CTNNA2: variants seen among roughly 807,000 people sequenced by gnomAD.
CTNNA2 encodes catenin alpha-2.
CTNNA2 carries 42 observed loss-of-function variants against 101.0 expected under a neutral mutation model. The ratio of observed to expected loss-of-function variants is 0.42; its 90% CI spans 0.32 to 0.54. CTNNA2 has a LOEUF of 0.54. Among genes scored for constraint, CTNNA2 ranks in the 20% least tolerant of loss-of-function variants. The pLI is 0.14. For missense variants in CTNNA2, 871 were observed against 1,223.1 expected (o/e 0.71, Z 4.29); for synonymous variants, 450 against 456.4 (o/e 0.99, Z 0.18).
At chr2:80,247,287 G>C (rs551335025) in intron 7 of CTNNA2, among the ~76,000 whole-genome samples, 1 of 152,144 alleles carries the variant, frequency 6.6e-6, no homozygotes, top group Non-Finnish European at 1.5e-5. Context: ...ACTCCCTGTT[G>C]CCAATAGCAC....
In CTNNA2 at chr2:80,324,014, A is replaced by G. The variant is rs982060105; in HGVS notation, c.1057-69197A>G. Among the ~76,000 whole-genome samples the G allele has an allele frequency of 2.9e-4, 44 of 152,180 alleles. 1 individual carries two copies. The highest frequency in any genetic ancestry group is 9.4e-4 in the African/African-American group (39 of 41,440). The stretch of plus-strand genomic sequence containing the variant: ...ATTGCCCTTCAGTCAAAAGAAAAGC[A>G]TGTAAAAATGGGGCTTGCATCAAGA... On this transcript the variant is annotated intron_variant, in intron 7 of 18. Transcript: ENST00000402739.
intron 1 of CTNNA2, among the ~76,000 whole-genome samples, chr2:79,597,333 G>C (rs1441404466): frequency 1.3e-5 from 2 of 151,974 alleles, no homozygotes; most frequent in Admixed American, 1.3e-4. Flanking sequence ...TTAGCCGGGC[G>C]TGGTGGCGGG....
At chr2:79,474,882 C>T (rs1671035181) in intron 4 of CTNNA2, among the ~76,000 whole-genome samples, 1 of 152,140 alleles carries the variant, frequency 6.6e-6, no homozygotes, top group African/African-American at 2.4e-5. Flanking sequence ...AGTCTTTTTA[C>T]CCAGCACCCT....
intron 2 of CTNNA2, among the ~76,000 whole-genome samples, chr2:79,690,024 A>G (rs950802457): frequency 5.3e-5 from 8 of 152,016 alleles, no homozygotes; most frequent in Non-Finnish European, 1.2e-4. Context: ...AAGAGAAATA[A>G]AGGGACAAAG....
At chr2:79,902,028 A>G (rs1421379356) in intron 6 of CTNNA2, among the ~76,000 whole-genome samples, 1 of 152,192 alleles carries the variant, frequency 6.6e-6, no homozygotes, top group African/African-American at 2.4e-5. Flanking sequence ...TTTGAAACAG[A>G]GGTGAGGATT....
chr2:79,321,871 G>A (rs574891387), intron 3 of CTNNA2, among the ~76,000 whole-genome samples: 9 of 152,094 alleles, frequency 5.9e-5, no homozygotes, highest in African/African-American at 2.2e-4. Context: ...AGCAGTACAT[G>A]CATGGGAAAT....
At chr2:79,502,846 A>T (rs1671334641) in intron 4 of CTNNA2, among the ~76,000 whole-genome samples, 1 of 152,120 alleles carries the variant, frequency 6.6e-6, no homozygotes, top group Admixed American at 6.6e-5. Flanking sequence ...GTACATGATG[A>T]CCTGGTCTGT....
intron 2 of CTNNA2, among the ~76,000 whole-genome samples, chr2:79,715,752 G>A (rs565376168): frequency 6.6e-6 from 1 of 152,214 alleles, no homozygotes; most frequent in East Asian, 1.9e-4. Flanking sequence ...GTATAAATAT[G>A]GAGCCATTGG....
At chr2:80,259,990 T>G (rs1672476930) in intron 7 of CTNNA2, among the ~76,000 whole-genome samples, 1 of 152,240 alleles carries the variant, frequency 6.6e-6, no homozygotes, top group African/African-American at 2.4e-5. Context: ...CGTGAGCCCT[T>G]AACTATGTTC....
chr2:80,201,427 G>C (rs1026319042), intron 7 of CTNNA2, among the ~76,000 whole-genome samples: 31 of 132,058 alleles, frequency 2.3e-4, no homozygotes, highest in African/African-American at 9.1e-4. Context: ...AGGCTGGAGT[G>C]CAGTGGTGCA....
chr2:79,914,145 C>G (rs62141607), intron 7 of CTNNA2, among the ~76,000 whole-genome samples: 2 of 123,334 alleles, frequency 1.6e-5, no homozygotes, highest in Non-Finnish European at 1.6e-5. Flanking sequence ...CCAGCCTGGG[C>G]GACAGAGCGA....
chr2:79,925,814 A>G (rs1206147765), intron 7 of CTNNA2, among the ~76,000 whole-genome samples: 1 of 151,922 alleles, frequency 6.6e-6, no homozygotes, highest in African/African-American at 2.4e-5. Flanking sequence ...TTGGAAAAAA[A>G]CCAGATCCTG....
intron 13 of CTNNA2, among the ~76,000 whole-genome samples, chr2:80,576,051 C>CTAAG (rs1483576004): frequency 2.0e-5 from 3 of 152,068 alleles, no homozygotes; most frequent in African/African-American, 7.2e-5. Context: ...ATCCCTTGTG[C>CTAAG]TAAGGAAGAT....
At chr2:79,851,381 TTA>T (rs1176544331) in intron 3 of CTNNA2, among the ~76,000 whole-genome samples, 1 of 152,220 alleles carries the variant, frequency 6.6e-6, no homozygotes, top group African/African-American at 2.4e-5. Context: ...GTTGACTGAA[TTA>T]CCGTTTTAAG....
chr2:79,480,128 G>A (rs967177906), intron 4 of CTNNA2, among the ~76,000 whole-genome samples: 2 of 151,964 alleles, frequency 1.3e-5, no homozygotes, highest in Admixed American at 1.3e-4. Flanking sequence ...AGAGAGAGAA[G>A]GGGGAGGTCC....
chr2:80,306,390 TTTTCTTTTCTTTTC>T (rs1242287347), intron 7 of CTNNA2, among the ~76,000 whole-genome samples: 42 of 133,252 alleles, frequency 3.2e-4, no homozygotes, highest in African/African-American at 9.4e-4. Flanking sequence ...TTTTCTTTTC[TTTTCTTTTCTTTTC>T]TTTCTTTCTT....
At chr2:79,352,625 A>G (rs1677417117) in intron 3 of CTNNA2, among the ~76,000 whole-genome samples, 3 of 152,024 alleles carry the variant, frequency 2.0e-5, no homozygotes, top group Admixed American at 1.3e-4. Flanking sequence ...ACCTTCTACT[A>G]GCTTTGGGGT....
intron 2 of CTNNA2, among the ~76,000 whole-genome samples, chr2:79,307,812 C>T (rs1040022446): frequency 2.6e-5 from 4 of 152,136 alleles, no homozygotes; most frequent in African/African-American, 9.7e-5. Context: ...TTCATCATGA[C>T]TTAACTAGTT....
At chr2:79,691,679 A>G (rs1457194690) in intron 2 of CTNNA2, among the ~76,000 whole-genome samples, 1 of 152,142 alleles carries the variant, frequency 6.6e-6, no homozygotes, top group Non-Finnish European at 1.5e-5. Context: ...AAACAGATAT[A>G]TAGACCAATG....
Sources: allele counts gnomAD v4.1 joint callset (sites outside exome capture counted in the v4.1 genomes callset), GRCh38; gene constraint gnomAD v4.1.1; transcripts MANE v1.5; gene names NCBI Gene and HGNC (gene_info 2026-07-23, HGNC 2026-07-21).